The following SPAG1 variants were observed in gnomAD, a reference collection of about 807,000 sequenced individuals.
The protein encoded by SPAG1 is sperm associated antigen 1.
Under a neutral mutation model 100.5 loss-of-function variants are expected in SPAG1, and 69 were observed. The ratio of observed to expected loss-of-function variants is 0.69; its 90% CI spans 0.57 to 0.84. SPAG1 has a LOEUF of 0.84. SPAG1 is among the 40% of genes least tolerant of loss of function. SPAG1 has a pLI of 0.00. For missense variants in SPAG1, 955 were observed against 1,133.1 expected (o/e 0.84, Z 2.26); for synonymous variants, 336 against 411.6 (o/e 0.82, Z 2.22).
chr8:100,236,159 G>A (rs1818996175), intron 16 of SPAG1, among the ~76,000 whole-genome samples: 1 of 152,016 alleles, frequency 6.6e-6, no homozygotes, highest in Admixed American at 6.5e-5. Flanking sequence ...CTATTTCCTT[G>A]GAATGAATTC....
intron 3 of SPAG1, among the ~76,000 whole-genome samples, 175 bp downstream of exon 3, chr8:100,166,148 G>A (rs1004940592): frequency 3.3e-5 from 5 of 152,134 alleles, no homozygotes; most frequent in African/African-American, 7.2e-5. Flanking sequence ...GTGTGTGTGC[G>A]TCCGTACATG....
Position 100,241,166 on chromosome 8 carries a change from A to G in SPAG1, c.*144A>G. ...TAAAACATTTTACTTATTTTCCTAC[A>G]TAGAACATGTATATTCTACAATCTG... On this transcript the variant is annotated 3_prime_UTR_variant, in exon 19 of 19. Transcript: ENST00000388798. This position sits in a 1 kb window ranked among gnomAD's most constrained non-coding sequence, Gnocchi z 5.1. 1 of 633,756 alleles carries G rather than the reference A, an allele frequency of 1.6e-6. No homozygotes were observed. The highest frequency in any genetic ancestry group is 1.9e-5 in the African/African-American group (1 of 53,896). The allele number at this position is 633,756 out of a possible 1,614,324, so 39.3% of individuals were successfully genotyped here. A position where few individuals can be genotyped will look rare whatever the true frequency, so the allele number is the denominator to read the frequency against.
Position 100,239,282 on chromosome 8 carries a change from C to A in SPAG1, c.2158C>A (p.Leu720Ile). The change falls in exon 17 of 19, where the codon CTA becomes ATA. Residue 720 changes from leucine (L) to isoleucine (I), a missense_variant. Leu to Ile is a conservative substitution (Grantham distance 5). Coordinates refer to ENST00000388798, the MANE Select transcript of SPAG1 (RefSeq NM_003114.5). This position sits in a 1 kb window ranked among gnomAD's most constrained non-coding sequence, Gnocchi z 5.0. ...SLIDLNKVILLDPSIIEAKME... is the reference protein window; with the variant it reads ...SLIDLNKVILIDPSIIEAKME... ...AATTGATCTCAATAAAGTTATCCTA[C>A]TAGATCCAAGTATTATTGAGGCAAA... 6.5e-7 allele frequency: 1 copy of A among 1,539,178 alleles called. No homozygotes were observed. The highest frequency in any genetic ancestry group is 2.2e-5 in the Admixed American group (1 of 46,004).
chr8:100,210,558 G>GT (rs1484100846), intron 10 of SPAG1, among the ~76,000 whole-genome samples: 2 of 151,970 alleles, frequency 1.3e-5, no homozygotes, highest in African/African-American at 2.4e-5. Context: ...ATGCGCTCCT[G>GT]TTTTTTTCTC....
At chr8:100,186,049 T>C (rs1200393077) in intron 7 of SPAG1, among the ~76,000 whole-genome samples, 3 of 148,578 alleles carry the variant, frequency 2.0e-5, no homozygotes. Flanking sequence ...CTTTCTGACC[T>C]TGGGCAGATT....
chr8:100,233,302 T>C lies in SPAG1; in HGVS notation c.1989-109T>C, dbSNP rs1033018021. 3 of 1,193,944 alleles carry C rather than the reference T, an allele frequency of 2.5e-6. No individual in the cohort carries two copies. The African/African-American group carries it at 4.6e-5, about 18-fold the overall frequency. 74.0% of individuals were successfully genotyped at this position (1,193,944 alleles called of 1,614,324 possible). A position where few individuals can be genotyped will look rare whatever the true frequency, so the allele number is the denominator to read the frequency against. ...TAAGTTTCAATGGAAACCGCAGTGGTATAGCAACAGACATATTGAGCTATT... is the reference window on the plus strand; with the variant it reads ...TAAGTTTCAATGGAAACCGCAGTGGCATAGCAACAGACATATTGAGCTATT... On this transcript the variant is annotated intron_variant, in intron 15 of 18. Coordinates refer to ENST00000388798, the MANE Select transcript of SPAG1 (RefSeq NM_003114.5).
intron 3 of SPAG1, among the ~76,000 whole-genome samples, chr8:100,170,366 GTTT>G (rs1053324332): frequency 2.0e-5 from 3 of 151,864 alleles, no homozygotes; most frequent in South Asian, 4.2e-4. Flanking sequence ...ATGAAATTTT[GTTT>G]TTTTATTATA....
chr8:100,205,821 CCTGGG>C (rs1817482120), intron 10 of SPAG1, among the ~76,000 whole-genome samples: 1 of 151,582 alleles, frequency 6.6e-6, no homozygotes, highest in Admixed American at 6.6e-5. Flanking sequence ...TCGAGACCAT[CCTGGG>C]CAACATGGTG....
At chr8:100,235,632 G>C (rs1262890622) in intron 16 of SPAG1, among the ~76,000 whole-genome samples, 3 of 152,120 alleles carry the variant, frequency 2.0e-5, no homozygotes, top group Non-Finnish European at 4.4e-5. Context: ...GGTTCTGCAG[G>C]GAGAAGAGCA....
intron 3 of SPAG1, among the ~76,000 whole-genome samples, chr8:100,170,433 T>C (rs1815763261): frequency 6.6e-6 from 1 of 152,152 alleles, no homozygotes; most frequent in Non-Finnish European, 1.5e-5. Flanking sequence ...GAGTGTACAG[T>C]TCAGTAGTGT....
intron 10 of SPAG1, 54 bp from the exon 11 acceptor site, chr8:100,213,036 G>GGCCTCCGCC (rs1817793729): frequency 3.7e-6 from 5 of 1,351,040 alleles, no homozygotes; most frequent in African/African-American, 1.6e-5. Context: ...CGGCCTCCGC[G>GGCCTCCGCC]GCAACTGCTC....
intron 4 of SPAG1, 91 bp downstream of exon 4, chr8:100,178,032 T>C: frequency 1.9e-6 from 2 of 1,035,060 alleles, no homozygotes. Flanking sequence ...GAGCAGCCTA[T>C]GTGTGATGTC....
intron 10 of SPAG1, among the ~76,000 whole-genome samples, chr8:100,202,507 G>A (rs1304945527): frequency 6.7e-6 from 1 of 149,780 alleles, no homozygotes; most frequent in African/African-American, 2.5e-5. Flanking sequence ...TCAGGAGATC[G>A]AGACCATCCT....
chr8:100,195,164 C>CA (rs34240029), intron 10 of SPAG1, among the ~76,000 whole-genome samples: 63,219 of 122,246 alleles, frequency 0.52, 15,905 homozygotes, highest in African/African-American at 0.68. Flanking sequence ...GACTCCATCT[C>CA]AAAAAAAAAA....
In SPAG1 at chr8:100,191,298, T is replaced by A. The variant is rs577922160; in HGVS notation, c.833-92T>A. 3.3e-5 allele frequency: 26 copies of A among 784,562 alleles called. No homozygotes were observed. The African/African-American group carries it at 4.4e-4, about 13-fold the overall frequency. 48.6% of individuals were successfully genotyped at this position (784,562 alleles called of 1,614,324 possible). A position where few individuals can be genotyped will look rare whatever the true frequency, so the allele number is the denominator to read the frequency against. On this transcript the variant is annotated intron_variant, in intron 8 of 18. Coordinates refer to ENST00000388798, the MANE Select transcript of SPAG1 (RefSeq NM_003114.5). ...TTTGGGTAATTACATCCTAAAGTAT[T>A]CTGTGCTGCTCATATCTTCCACTTG...
intron 10 of SPAG1, among the ~76,000 whole-genome samples, chr8:100,212,122 G>C (rs1233670884): frequency 1.3e-5 from 2 of 152,190 alleles, no homozygotes; most frequent in African/African-American, 4.8e-5. Context: ...CTGCTGTATA[G>C]AAAACAGTAT....
At chr8:100,193,685 G>A (rs1465846360) in intron 9 of SPAG1, among the ~76,000 whole-genome samples, 2 of 152,228 alleles carry the variant, frequency 1.3e-5, no homozygotes, top group Non-Finnish European at 2.9e-5. Context: ...AGGAGGCTGA[G>A]GTGAGAGGAT....
In SPAG1 at chr8:100,183,406, A is replaced by G; in HGVS notation, c.458A>G (p.Lys153Arg). 1 of 1,487,112 alleles carries G rather than the reference A, an allele frequency of 6.7e-7. No homozygotes were observed. Among genetic ancestry groups the G allele is most frequent in the South Asian group, 1.2e-5 (1 of 84,852 alleles). 92.1% of individuals were successfully genotyped at this position (1,487,112 alleles called of 1,614,324 possible). ...TATTCTAAAAGACCAACTAAAAAGA[A>G]AACTCCAAGGGATTACGCGGAATGG... is the stretch of plus-strand genomic sequence containing the variant. Reference protein sequence around the residue: ...EKYSKRPTKKKTPRDYAEWDK... With the variant: ...EKYSKRPTKKRTPRDYAEWDK... The change falls in exon 5 of 19, where the codon AAA (lysine) becomes AGA (arginine). Residue 153 changes from lysine (K) to arginine (R), a missense_variant. Lys to Arg is a conservative substitution (Grantham distance 26). Transcript: ENST00000388798.
intron 8 of SPAG1, among the ~76,000 whole-genome samples, chr8:100,190,697 C>A (rs1186400419): frequency 1.6e-5 from 2 of 124,396 alleles, no homozygotes; most frequent in East Asian, 4.9e-4. Flanking sequence ...CAGAGTCTTG[C>A]TCTGTCACCC....
Sources: allele counts gnomAD v4.1 joint callset (sites outside exome capture counted in the v4.1 genomes callset), GRCh38; gene constraint gnomAD v4.1.1; non-coding constraint Gnocchi (gnomAD v3.1); transcripts MANE v1.5; gene names NCBI Gene and HGNC (gene_info 2026-07-23, HGNC 2026-07-21).